The following SP8 variants were observed in gnomAD, a reference collection of about 807,000 sequenced individuals.
SP8 encodes Sp8 transcription factor, also known as transcription factor Sp8.
A neutral mutation model predicts 15.3 loss-of-function variants in SP8; 7 were observed. The ratio of observed to expected loss-of-function variants is 0.46; its 90% CI spans 0.26 to 0.86. The LOEUF (loss-of-function observed/expected upper bound fraction) is 0.86, where lower values mean the gene tolerates loss of function less well. SP8 is among the 40% of genes least tolerant of loss of function. The pLI is 0.16. For missense variants in SP8, 731 were observed against 736.4 expected (o/e 0.99, Z 0.09); for synonymous variants, 415 against 356.3 (o/e 1.16, Z -1.86).
In SP8 at chr7:20,785,626, A is replaced by G. The variant is rs1458110426; in HGVS notation, c.191T>C (p.Val64Ala). Reference protein sequence around the residue: ...SSSSSSASCNVVGSSLSSFGV... With the variant: ...SSSSSSASCNAVGSSLSSFGV... ...GAAGCTTGAGAGACTGGAACCCACTACGTTGCAGCTGGCGGAAGAAGAGGA... is the reference window on the plus strand; with the variant it reads ...GAAGCTTGAGAGACTGGAACCCACTGCGTTGCAGCTGGCGGAAGAAGAGGA... Residue 64 changes from valine to alanine, a missense_variant, in exon 2 of 2, where the codon GTA becomes GCA. By Grantham distance (64) the Val-to-Ala change is moderately conservative. Transcript: ENST00000418710. This position sits in a 1 kb window ranked among gnomAD's most constrained non-coding sequence, Gnocchi z 7.2. 6 of 1,612,422 alleles carry G rather than the reference A, an allele frequency of 3.7e-6. No homozygotes were observed. The South Asian group carries it at 5.5e-5, about 15-fold the overall frequency.
rs751968861 is a variant in SP8 at position 20,785,592 on chromosome 7, G to A, written c.225C>T (p.Ser75=). ...VGSSLSSFGV[S]GASRNGGSSS... ...ACGAGCCGCCGTTCCTGGAGGCCCC[G>A]GACACGCCGAAGCTTGAGAGACTGG... Residue 75 remains serine, a synonymous_variant, in exon 2 of 2, where the codon TCC becomes TCT. Coordinates refer to ENST00000418710, the MANE Select transcript of SP8 (RefSeq NM_182700.6). The surrounding 1 kb of genome is among the most constrained non-coding windows in gnomAD (Gnocchi z 7.2). 3 of 1,394,810 alleles carry A rather than the reference G, an allele frequency of 2.2e-6. No individual in the cohort carries two copies. Among genetic ancestry groups the A allele is most frequent in the East Asian group, 7.8e-5 (2 of 25,766 alleles). The allele number at this position is 1,394,810 out of a possible 1,614,324, so 86.4% of individuals were successfully genotyped here. A position where few individuals can be genotyped will look rare whatever the true frequency, so the allele number is the denominator to read the frequency against.
chr7:20,784,356 G>A lies in SP8; in HGVS notation c.1461C>T (p.Ser487=). The change falls in exon 2 of 2, where the codon AGC becomes AGT. Residue 487 remains serine, a synonymous_variant. Transcript: ENST00000418710. The stretch of plus-strand genomic sequence containing the variant: ...GCAGCTCTGGGGAGTGGCAGGGCGG[G>A]CTGCCCGCGGCGCTGTGCTCGCTGT... ...DTDSEHSAAG[S]PPCHSPELLQ... 2 of 1,520,132 alleles carry A rather than the reference G, an allele frequency of 1.3e-6. No individual in the cohort carries two copies. Among genetic ancestry groups the A allele is most frequent in the South Asian group, 1.2e-5 (1 of 82,380 alleles). 94.2% of individuals were successfully genotyped at this position (1,520,132 alleles called of 1,614,324 possible). A position where few individuals can be genotyped will look rare whatever the true frequency, so the allele number is the denominator to read the frequency against.
Position 20,784,620 on chromosome 7 carries a change from C to G in SP8, c.1197G>C (p.Thr399=), listed in dbSNP as rs777279878. The G allele has an allele frequency of 6.2e-7, 1 of 1,609,738 alleles. No homozygotes were observed. Among genetic ancestry groups the G allele is most frequent in the Non-Finnish European group, 8.5e-7 (1 of 1,179,046 alleles). ...SHLKAHLRWH[T]GERPFVCNWL... Reference sequence around the variant, plus strand: ...AGTTGCACACGAAGGGCCGCTCGCCCGTGTGCCAGCGCAGGTGCGCCTTGA... The same window carrying G: ...AGTTGCACACGAAGGGCCGCTCGCCGGTGTGCCAGCGCAGGTGCGCCTTGA... The change falls in exon 2 of 2, where the codon ACG becomes ACC. Residue 399 remains threonine, a synonymous_variant. Transcript: ENST00000418710.
chr7:20,786,850 C>T lies in SP8; in HGVS notation c.-52G>A, dbSNP rs1051212798. On this transcript the variant is annotated 5_prime_UTR_variant, in exon 1 of 2. Transcript: ENST00000418710. This position sits in a 1 kb window ranked among gnomAD's most constrained non-coding sequence, Gnocchi z 4.4. The stretch of plus-strand genomic sequence containing the variant: ...GAGGATCTTTTTTATATTGATAAAT[C>T]AGAGGCAGTGTTTTTTTTAGAGGTG... 1 of 1,472,686 alleles carries T rather than the reference C, an allele frequency of 6.8e-7. No homozygotes were observed. Among genetic ancestry groups the T allele is most frequent in the Non-Finnish European group, 9.5e-7 (1 of 1,050,608 alleles). The allele number at this position is 1,472,686 out of a possible 1,614,324, so 91.2% of individuals were successfully genotyped here.
In SP8 at chr7:20,786,709, C is replaced by T; in HGVS notation, c.21+69G>A. 6.9e-7 allele frequency: 1 copy of T among 1,446,372 alleles called. No individual in the cohort carries two copies. The highest frequency in any genetic ancestry group is 9.7e-7 in the Non-Finnish European group (1 of 1,027,348). The allele number at this position is 1,446,372 out of a possible 1,614,324, so 89.6% of individuals were successfully genotyped here. A position where few individuals can be genotyped will look rare whatever the true frequency, so the allele number is the denominator to read the frequency against. The stretch of plus-strand genomic sequence containing the variant: ...ATAGCCCGTGGCCTGGCCGGGGCGA[C>T]TTTAACCCCCTCCAATCGGCAATAA... On this transcript the variant is annotated intron_variant, in intron 1 of 1. Coordinates refer to ENST00000418710, the MANE Select transcript of SP8 (RefSeq NM_182700.6). The surrounding 1 kb of genome is among the most constrained non-coding windows in gnomAD (Gnocchi z 4.4).
Position 20,784,026 on chromosome 7 carries a change from G to T in SP8, c.*264C>A. 2.3e-6 allele frequency: 1 copy of T among 440,464 alleles called. No individual in the cohort carries two copies. The highest frequency in any genetic ancestry group is 3.9e-6 in the Non-Finnish European group (1 of 256,116). The allele number at this position is 440,464 out of a possible 1,614,324, so 27.3% of individuals were successfully genotyped here. A position where few individuals can be genotyped will look rare whatever the true frequency, so the allele number is the denominator to read the frequency against. On this transcript the variant is annotated 3_prime_UTR_variant, in exon 2 of 2. Transcript: ENST00000418710. ...AGAAATAAAGGCCCGACGAGGCGCGGGTTCCGGCTGCAACGGGTTCAGGCA... is the reference window on the plus strand; with the variant it reads ...AGAAATAAAGGCCCGACGAGGCGCGTGTTCCGGCTGCAACGGGTTCAGGCA...
chr7:20,785,212 G>T lies in SP8; in HGVS notation c.605C>A (p.Pro202Gln). 1 of 1,600,614 alleles carries T rather than the reference G, an allele frequency of 6.2e-7. No individual in the cohort carries two copies. The highest frequency in any genetic ancestry group is 1.1e-5 in the South Asian group (1 of 89,464). Residue 202 changes from proline to glutamine, a missense_variant, in exon 2 of 2, where the codon CCG becomes CAG. Physicochemically the swap from Pro to Gln is moderately conservative, Grantham distance 76. Transcript: ENST00000418710. This position sits in a 1 kb window ranked among gnomAD's most constrained non-coding sequence, Gnocchi z 7.2. ...GIYPRVGMAH[P>Q]YESWFKPSHP... ...CGAGGGCTTAAACCACGACTCGTAC[G>T]GGTGCGCCATGCCCACCCGCGGGTA...
In SP8 at chr7:20,785,241, G is replaced by A. The variant is rs1324026975; in HGVS notation, c.576C>T (p.Gly192=). The A allele has an allele frequency of 1.0e-5, 16 of 1,597,204 alleles. No individual in the cohort carries two copies. Among genetic ancestry groups the A allele is most frequent in the Non-Finnish European group, 1.4e-5 (16 of 1,173,632 alleles). The part of the protein sequence containing the change: ...KVHTSVDGLQ[G]IYPRVGMAHP... ...GCGCCATGCCCACCCGCGGGTAGAT[G>A]CCCTGCAGCCCGTCCACAGAGGTGT... The change falls in exon 2 of 2, where the codon GGC becomes GGT. Residue 192 remains glycine, a synonymous_variant. Transcript: ENST00000418710. The surrounding 1 kb of genome is among the most constrained non-coding windows in gnomAD (Gnocchi z 7.2).
chr7:20,785,526 G>GGCAGCCGCGGCTGCTGCCGCGGCCGCC lies in SP8; in HGVS notation c.264_290dup (p.Ala91_Ala99dup). 2 of 1,423,764 alleles carry GGCAGCCGCGGCTGCTGCCGCGGCCGCC rather than the reference G, an allele frequency of 1.4e-6. No individual in the cohort carries two copies. Among genetic ancestry groups the GGCAGCCGCGGCTGCTGCCGCGGCCGCC allele is most frequent in the Non-Finnish European group, 1.8e-6 (2 of 1,093,734 alleles). The allele number at this position is 1,423,764 out of a possible 1,614,324, so 88.2% of individuals were successfully genotyped here. ...TGAACGAGTCGGACACCAGGGCCGC[G>GGCAGCCGCGGCTGCTGCCGCGGCCGCC]GCAGCCGCGGCTGCTGCCGCGGCCG... On this transcript the variant is annotated inframe_insertion, in exon 2 of 2. Transcript: ENST00000418710. This position sits in a 1 kb window ranked among gnomAD's most constrained non-coding sequence, Gnocchi z 7.2.
In SP8 at chr7:20,785,873, C is replaced by T; in HGVS notation, c.22-78G>A. On this transcript the variant is annotated intron_variant, in intron 1 of 1. Coordinates refer to ENST00000418710, the MANE Select transcript of SP8 (RefSeq NM_182700.6). The surrounding 1 kb of genome is among the most constrained non-coding windows in gnomAD (Gnocchi z 7.2). ...GTGGGGGAGGAAAGGAAGAAATGTG[C>T]ATCAGTCCTTCGGTAGCCTCCAAAG... The T allele has an allele frequency of 6.7e-7, 1 of 1,498,738 alleles. No individual in the cohort carries two copies. Among genetic ancestry groups the T allele is most frequent in the South Asian group, 1.2e-5 (1 of 80,152 alleles). 92.8% of individuals were successfully genotyped at this position (1,498,738 alleles called of 1,614,324 possible).
Position 20,785,380 on chromosome 7 carries a change from A to G in SP8, c.437T>C (p.Phe146Ser). The G allele has an allele frequency of 1.5e-6, 2 of 1,316,850 alleles. No individual in the cohort carries two copies. Among genetic ancestry groups the G allele is most frequent in the Non-Finnish European group, 2.0e-6 (2 of 1,014,702 alleles). 81.6% of individuals were successfully genotyped at this position (1,316,850 alleles called of 1,614,324 possible). A position where few individuals can be genotyped will look rare whatever the true frequency, so the allele number is the denominator to read the frequency against. ...SSPFANDYSVFQAPGVSGGSG... is the reference protein window; with the variant it reads ...SSPFANDYSVSQAPGVSGGSG... ...GCCCCCGGAAACTCCGGGGGCCTGG[A>G]AAACAGAGTAGTCGTTGGCGAAGGG... is the stretch of plus-strand genomic sequence containing the variant. Residue 146 changes from phenylalanine to serine, a missense_variant, in exon 2 of 2, where the codon TTC becomes TCC. Physicochemically the swap from Phe to Ser is radical, Grantham distance 155 (BLOSUM62 -2). This residue lies in a region of SP8 where 586 missense variants were observed against 524.9 expected (regional missense o/e 1.12). Coordinates refer to ENST00000418710, the MANE Select transcript of SP8 (RefSeq NM_182700.6). The surrounding 1 kb of genome is among the most constrained non-coding windows in gnomAD (Gnocchi z 7.2).
In SP8 at chr7:20,785,611, A is replaced by C; in HGVS notation, c.206T>G (p.Leu69Arg). The change falls in exon 2 of 2, where the codon CTC (leucine) becomes CGC (arginine). Residue 69 changes from leucine to arginine, a missense_variant. This residue lies in a region of SP8 where 586 missense variants were observed against 524.9 expected (regional missense o/e 1.12). Coordinates refer to ENST00000418710, the MANE Select transcript of SP8 (RefSeq NM_182700.6). This position sits in a 1 kb window ranked among gnomAD's most constrained non-coding sequence, Gnocchi z 7.2. ...SASCNVVGSS[L>R]SSFGVSGASR... The stretch of plus-strand genomic sequence containing the variant: ...GGCCCCGGACACGCCGAAGCTTGAG[A>C]GACTGGAACCCACTACGTTGCAGCT... 2.5e-6 allele frequency: 4 copies of C among 1,575,840 alleles called. No individual in the cohort carries two copies. Among genetic ancestry groups the C allele is most frequent in the Non-Finnish European group, 3.5e-6 (4 of 1,156,768 alleles).
In SP8 at chr7:20,783,280, T is replaced by G. The variant is rs528749227; in HGVS notation, c.*1010A>C. 6.6e-6 allele frequency: 1 copy of G among 152,650 alleles called. No individual in the cohort carries two copies. Among genetic ancestry groups the G allele is most frequent in the African/African-American group, 2.4e-5 (1 of 41,542 alleles). 9.5% of individuals were successfully genotyped at this position (152,650 alleles called of 1,614,324 possible). Reference sequence around the variant, plus strand: ...AAAACGAGGTAGAAAAGGACAAACATGGAGATAGTTAATCTGGTCTCACCG... The same window carrying G: ...AAAACGAGGTAGAAAAGGACAAACAGGGAGATAGTTAATCTGGTCTCACCG... On this transcript the variant is annotated 3_prime_UTR_variant, in exon 2 of 2. Transcript: ENST00000418710.
At position 20,784,355 on chromosome 7, in the gene SP8, G is replaced by A; in HGVS notation, c.1462C>T (p.Pro488Ser). Reference protein sequence around the residue: ...TDSEHSAAGSPPCHSPELLQP... With the variant: ...TDSEHSAAGSSPCHSPELLQP... ...AGCAGCTCTGGGGAGTGGCAGGGCG[G>A]GCTGCCCGCGGCGCTGTGCTCGCTG... Residue 488 changes from proline (P) to serine (S), a missense_variant, in exon 2 of 2, where the codon CCG (proline) becomes TCG (serine). Physicochemically the swap from Pro to Ser is moderately conservative, Grantham distance 74. Around this residue, in one of 3 missense-constraint regions of SP8, gnomAD observed 114 missense variants for 111.9 expected, o/e 1.02. Coordinates refer to ENST00000418710, the MANE Select transcript of SP8 (RefSeq NM_182700.6). 1 of 1,520,528 alleles carries A rather than the reference G, an allele frequency of 6.6e-7. No individual in the cohort carries two copies. The allele number at this position is 1,520,528 out of a possible 1,614,324, so 94.2% of individuals were successfully genotyped here. A position where few individuals can be genotyped will look rare whatever the true frequency, so the allele number is the denominator to read the frequency against.
rs1238866075 is a variant in SP8, at chr7:20,786,443, A to G, written c.21+335T>C. ...TTTAAGGGTTAGGGGAAGAATCTGC[A>G]CTTTGCCCAGAAGGAAAAACTTGCT... On this transcript the variant is annotated intron_variant, in intron 1 of 1. Coordinates refer to ENST00000418710, the MANE Select transcript of SP8 (RefSeq NM_182700.6). The surrounding 1 kb of genome is among the most constrained non-coding windows in gnomAD (Gnocchi z 4.4). Among the ~76,000 whole-genome samples the G allele has an allele frequency of 6.6e-6, 1 of 152,116 alleles. No homozygotes were observed. The highest frequency in any genetic ancestry group is 1.5e-5 in the Non-Finnish European group (1 of 68,004).
chr7:20,784,877 G>T lies in SP8; in HGVS notation c.940C>A (p.Pro314Thr). The T allele has an allele frequency of 6.5e-7, 1 of 1,527,852 alleles. No homozygotes were observed. The highest frequency in any genetic ancestry group is 2.0e-5 in the Admixed American group (1 of 50,392). 94.6% of individuals were successfully genotyped at this position (1,527,852 alleles called of 1,614,324 possible). The change falls in exon 2 of 2, where the codon CCG becomes ACG. Residue 314 changes from proline to threonine, a missense_variant. By Grantham distance (38) the Pro-to-Thr change is conservative. Transcript: ENST00000418710. ...VLPGSYPDSA[P>T]SPLAGAGGSM... ...CCCCCCGCGCCGGCCAGCGGCGACG[G>T]GGCCGAGTCCGGGTAGGAGCCGGGT... is the stretch of plus-strand genomic sequence containing the variant.
In SP8 at chr7:20,783,425, A is replaced by AG. The variant is rs60840167; in HGVS notation, c.*864_*865insC. 1 allele frequency: 151,462 copies of AG among 151,526 alleles called. 75,699 individuals are homozygous for AG. The highest frequency in any genetic ancestry group is 1 in the Middle Eastern group (294 of 294). 9.4% of individuals were successfully genotyped at this position (151,526 alleles called of 1,614,324 possible). A position where few individuals can be genotyped will look rare whatever the true frequency, so the allele number is the denominator to read the frequency against. On this transcript the variant is annotated 3_prime_UTR_variant, in exon 2 of 2. Transcript: ENST00000418710. ...CAATATTAGCAGTTTCGAGAGAAAG[A>AG]TTGCTCCCCGTTAGAGGAAAAAACT...
Position 20,786,456 on chromosome 7 carries a change from G to A in SP8, c.21+322C>T, listed in dbSNP as rs1317525520. ...GGAAGAATCTGCACTTTGCCCAGAA[G>A]GAAAAACTTGCTCTCTTTACCCCCG... is the stretch of plus-strand genomic sequence containing the variant. On this transcript the variant is annotated intron_variant, in intron 1 of 1. Transcript: ENST00000418710. This position sits in a 1 kb window ranked among gnomAD's most constrained non-coding sequence, Gnocchi z 4.4. 1.3e-5 allele frequency among the ~76,000 whole-genome samples: 2 copies of A among 152,072 alleles called. No individual in the cohort carries two copies. Among genetic ancestry groups the A allele is most frequent in the East Asian group, 1.9e-4 (1 of 5,184 alleles).
chr7:20,782,857 C>A lies in SP8; in HGVS notation c.*1433G>T, dbSNP rs142249613. On this transcript the variant is annotated 3_prime_UTR_variant, in exon 2 of 2. Coordinates refer to ENST00000418710, the MANE Select transcript of SP8 (RefSeq NM_182700.6). ...TTTTCTTGTGACAAAAAAAAAAAAT[C>A]AAGTTTACTTCAATATATTTTCAAA... 3.2e-3 allele frequency: 489 copies of A among 150,642 alleles called. 2 individuals carry two copies. The highest frequency in any genetic ancestry group is 4.9e-3 in the Non-Finnish European group (328 of 67,488). 9.3% of individuals were successfully genotyped at this position (150,642 alleles called of 1,614,324 possible). A position where few individuals can be genotyped will look rare whatever the true frequency, so the allele number is the denominator to read the frequency against.
Sources: allele counts gnomAD v4.1 joint callset (sites outside exome capture counted in the v4.1 genomes callset), GRCh38; gene constraint gnomAD v4.1.1; regional missense constraint gnomAD v4.1.1; non-coding constraint Gnocchi (gnomAD v3.1); transcripts MANE v1.5; gene names NCBI Gene and HGNC (gene_info 2026-07-23, HGNC 2026-07-21).